The following PSMA6 variants were observed in gnomAD, a reference collection of about 807,000 sequenced individuals.
PSMA6 encodes proteasome 20S subunit alpha 6, also known as proteasome subunit alpha type-6.
For missense variants in PSMA6, 170 were observed against 294.8 expected (o/e 0.58, Z 3.10); for synonymous variants, 88 against 97.7 (o/e 0.90, Z 0.59).
intron 1 of PSMA6, among the ~76,000 whole-genome samples, chr14:35,307,681 C>T (rs2051856375): frequency 6.6e-6 from 1 of 152,116 alleles, no homozygotes; most frequent in Non-Finnish European, 1.5e-5. Flanking sequence ...TTGCAGTGAG[C>T]TCAGGTCGCA....
chr14:35,310,166 A>G, intron 3 of PSMA6: 2 of 417,494 alleles, frequency 4.8e-6, no homozygotes, highest in Middle Eastern at 7.5e-4. Flanking sequence ...AACAAAGATT[A>G]AGAAAGATTA....
intron 5 of PSMA6, chr14:35,313,292 G>A: frequency 4.9e-6 from 2 of 404,336 alleles, no homozygotes; most frequent in Admixed American, 4.7e-5. Flanking sequence ...CATATAATAG[G>A]AAAATATAAA....
chr14:35,292,599 T>G (rs760732979), intron 1 of PSMA6, 47 bp downstream of exon 1: 6 of 1,605,512 alleles, frequency 3.7e-6, no homozygotes, highest in Non-Finnish European at 4.3e-6. Flanking sequence ...TGCCCTGTCA[T>G]GGTACGTGCC....
intron 4 of PSMA6, 39 bp from the exon 5 acceptor site, chr14:35,312,842 A>G: frequency 6.5e-7 from 1 of 1,532,636 alleles, no homozygotes; most frequent in Middle Eastern, 1.7e-4. Context: ...GTCATTGTAT[A>G]AAGCTAAAAC....
chr14:35,310,926 T>C (rs755044752), intron 4 of PSMA6, 31 bp downstream of exon 4: 8 of 1,592,376 alleles, frequency 5.0e-6, no homozygotes, highest in Admixed American at 1.8e-5. Context: ...CCCAAATAAT[T>C]GATGAATTGA....
chr14:35,310,442 T>C (rs1381134801), intron 3 of PSMA6: 8 of 369,868 alleles, frequency 2.2e-5, no homozygotes, highest in African/African-American at 1.7e-4. Flanking sequence ...ATGCCCTGCC[T>C]CCTTAATGCT....
chr14:35,302,691 C>T (rs903270299), intron 1 of PSMA6, among the ~76,000 whole-genome samples: 15 of 151,908 alleles, frequency 9.9e-5, no homozygotes, highest in African/African-American at 1.7e-4. Flanking sequence ...CCCACAGATT[C>T]GTTGTTTTTT....
chr14:35,292,195 C>A, upstream of PSMA6: 2 of 726,188 alleles, frequency 2.8e-6, no homozygotes, highest in Non-Finnish European at 3.8e-6. Context: ...AGCCTGAAAG[C>A]GCCACGACCC....
intron 1 of PSMA6, among the ~76,000 whole-genome samples, chr14:35,304,384 G>A (rs1195828048): frequency 3.3e-5 from 5 of 152,158 alleles, no homozygotes; most frequent in Non-Finnish European, 7.3e-5. Flanking sequence ...TCCATGGGAG[G>A]TCCTAGAACC....
intron 1 of PSMA6, among the ~76,000 whole-genome samples, chr14:35,304,380 G>A (rs754852496): frequency 2.0e-5 from 3 of 152,150 alleles, no homozygotes; most frequent in Non-Finnish European, 4.4e-5. Flanking sequence ...GGAATCCATG[G>A]GAGGTCCTAG....
intron 1 of PSMA6, among the ~76,000 whole-genome samples, chr14:35,280,765 C>A (rs1594371125): frequency 1.3e-5 from 2 of 151,956 alleles, no homozygotes; most frequent in East Asian, 3.9e-4. Context: ...GTTGCCCAGG[C>A]TGGAGTGCAG....
rs778666641 is a variant in PSMA6, at chr14:35,292,574, G to A, written c.76+22G>A. The A allele has an allele frequency of 4.3e-6, 7 of 1,611,636 alleles. No individual in the cohort carries two copies. In the South Asian group the frequency reaches 4.4e-5, roughly 10 times the overall value. ...GTAGGTGAGTGAACCAGGTTCGCCT[G>A]TGGGCCACCTGAATTGCCCTGTCAT... On this transcript the variant is annotated intron_variant, in intron 1 of 6. Coordinates refer to ENST00000261479, the MANE Select transcript of PSMA6 (RefSeq NM_002791.3).
At chr14:35,287,461 G>A (rs1278367197), upstream of PSMA6, among the ~76,000 whole-genome samples, 1 of 152,092 alleles carries the variant, frequency 6.6e-6, no homozygotes, top group African/African-American at 2.4e-5. Context: ...TGCCGGCAGA[G>A]CACCTTAAGC....
intron 1 of PSMA6, among the ~76,000 whole-genome samples, chr14:35,299,031 G>A (rs917766681): frequency 6.6e-6 from 1 of 150,506 alleles, no homozygotes; most frequent in South Asian, 2.1e-4. Context: ...ACTGCGTCCA[G>A]CTATTTATTT....
intron 1 of PSMA6, among the ~76,000 whole-genome samples, chr14:35,305,595 C>T (rs2051807515): frequency 6.6e-6 from 1 of 152,224 alleles, no homozygotes; most frequent in Admixed American, 6.5e-5. Flanking sequence ...AGCTGGTCGT[C>T]ATCACCTGTG....
chr14:35,291,080 C>T (rs1331568190), upstream of PSMA6, among the ~76,000 whole-genome samples: 2 of 151,888 alleles, frequency 1.3e-5, no homozygotes, highest in Non-Finnish European at 2.9e-5. Context: ...CAACCTGGAT[C>T]TCCTGGGCTC....
chr14:35,297,721 C>T (rs1323384184), intron 1 of PSMA6, among the ~76,000 whole-genome samples: 1 of 152,152 alleles, frequency 6.6e-6, no homozygotes, highest in African/African-American at 2.4e-5. Flanking sequence ...TGATGAGTGA[C>T]ATAAAGGGAA....
chr14:35,307,545 C>G (rs2051852572), intron 1 of PSMA6, among the ~76,000 whole-genome samples: 1 of 152,050 alleles, frequency 6.6e-6, no homozygotes, highest in South Asian at 2.1e-4. Flanking sequence ...ACTAGCCTGG[C>G]CAACACAGCG....
chr14:35,303,438 C>A (rs2051759031), intron 1 of PSMA6, among the ~76,000 whole-genome samples: 1 of 152,150 alleles, frequency 6.6e-6, no homozygotes, highest in Admixed American at 6.6e-5. Flanking sequence ...TCTAGTTCTT[C>A]AGGCCAAAAA....
Sources: gnomAD v4.1 joint callset for allele counts (sites outside exome capture counted in the v4.1 genomes callset) on GRCh38, gnomAD v4.1.1 for gene constraint, MANE v1.5 for transcripts, NCBI Gene and HGNC (gene_info 2026-07-23, HGNC 2026-07-21) for gene names.